ERG: variants seen among roughly 807,000 people sequenced by gnomAD.
ERG encodes the protein transcriptional regulator ERG.
A neutral mutation model predicts 55.3 loss-of-function variants in ERG; 9 were observed. The observed-to-expected ratio is 0.16, with a 90% CI of 0.10 to 0.28. ERG has a LOEUF of 0.28. Among genes scored for constraint, ERG ranks in the 10% least tolerant of loss-of-function variants. The pLI is 1.00. For missense variants in ERG, 434 were observed against 631.6 expected (o/e 0.69, Z 3.35); for synonymous variants, 223 against 237.3 (o/e 0.94, Z 0.55).
intron 1 of ERG, among the ~76,000 whole-genome samples, chr21:38,629,192 C>T (rs367596151): frequency 6.6e-6 from 1 of 152,194 alleles, no homozygotes; most frequent in Non-Finnish European, 1.5e-5. Context: ...GGCCAGGAGA[C>T]ATAAGCTCCT....
chr21:38,573,670 C>T (rs1386144861), intron 2 of ERG, among the ~76,000 whole-genome samples: 1 of 152,206 alleles, frequency 6.6e-6, no homozygotes, highest in Non-Finnish European at 1.5e-5. Context: ...CTACTACATT[C>T]CTTTTTGCTA....
chr21:38,654,071 G>C (rs2060503954), intron 1 of ERG, among the ~76,000 whole-genome samples: 1 of 152,228 alleles, frequency 6.6e-6, no homozygotes, highest in Admixed American at 6.5e-5. Context: ...AACTGCCCTT[G>C]TGGGACATTC....
At chr21:38,419,719 C>T (rs370818827) in intron 3 of ERG, among the ~76,000 whole-genome samples, 2 of 152,116 alleles carry the variant, frequency 1.3e-5, no homozygotes, top group East Asian at 1.9e-4. Flanking sequence ...CTACATTTAT[C>T]CTTCAGGGAC....
chr21:38,459,634 G>A (rs1377260207), intron 1 of ERG, among the ~76,000 whole-genome samples: 1 of 152,182 alleles, frequency 6.6e-6, no homozygotes, highest in Non-Finnish European at 1.5e-5. Flanking sequence ...ATGGGCTAGA[G>A]ATACCTTTAT....
At chr21:38,622,251 G>A (rs1044894626) in intron 1 of ERG, among the ~76,000 whole-genome samples, 1 of 152,198 alleles carries the variant, frequency 6.6e-6, no homozygotes, top group East Asian at 1.9e-4. Context: ...GGCCCCTGCT[G>A]CTTTCCGGGC....
intron 1 of ERG, among the ~76,000 whole-genome samples, chr21:38,657,270 A>T (rs1183833011): frequency 6.6e-6 from 1 of 152,226 alleles, no homozygotes; most frequent in East Asian, 1.9e-4. Flanking sequence ...CTGAGTCAAG[A>T]TAGCCAAACC....
intron 1 of ERG, among the ~76,000 whole-genome samples, chr21:38,493,801 C>A (rs747026883): frequency 1.3e-5 from 2 of 152,214 alleles, no homozygotes; most frequent in Non-Finnish European, 2.9e-5. Context: ...CAAGCTCCCT[C>A]CTCCTTCCTT....
intron 1 of ERG, among the ~76,000 whole-genome samples, chr21:38,477,820 C>A (rs2059202741): frequency 6.6e-6 from 1 of 152,152 alleles, no homozygotes; most frequent in African/African-American, 2.4e-5. Context: ...TATGAGGGAA[C>A]CAAACCTCTA....
intron 3 of ERG, among the ~76,000 whole-genome samples, chr21:38,415,274 A>T (rs1290668213): frequency 2.6e-5 from 4 of 152,194 alleles, no homozygotes; most frequent in Admixed American, 2.6e-4. Context: ...CCTACATCAT[A>T]GGGTGGTCGC....
At chr21:38,645,123 C>T (rs957095575) in intron 1 of ERG, among the ~76,000 whole-genome samples, 2 of 152,190 alleles carry the variant, frequency 1.3e-5, no homozygotes, top group African/African-American at 2.4e-5. Flanking sequence ...CACACCACTA[C>T]ACTCCAGCCT....
intron 6 of ERG, among the ~76,000 whole-genome samples, chr21:38,394,952 G>C (rs370471053): frequency 5.3e-4 from 81 of 152,156 alleles, no homozygotes; most frequent in Middle Eastern, 3.4e-3. Context: ...AATAAATGCC[G>C]AACTACTATT....
intron 1 of ERG, among the ~76,000 whole-genome samples, chr21:38,626,217 C>G (rs776709857): frequency 3.3e-4 from 50 of 152,080 alleles, no homozygotes; most frequent in Non-Finnish European, 5.7e-4. Flanking sequence ...CCACGTTTGG[C>G]CAACACTCAC....
chr21:38,604,391 T>C (rs942820495), intron 1 of ERG, among the ~76,000 whole-genome samples: 2 of 152,122 alleles, frequency 1.3e-5, no homozygotes, highest in African/African-American at 4.8e-5. Context: ...TAAAATATTA[T>C]GTACAGTATG....
chr21:38,507,998 TGC>T (rs1491219453), intron 2 of ERG, among the ~76,000 whole-genome samples: 15 of 1,392 alleles, frequency 0.011, no homozygotes, highest in African/African-American at 0.019. Context: ...CACACACACA[TGC>T]ACACACACAG....
At position 38,460,426 on chromosome 21, in the gene ERG, C is replaced by A. The variant is rs1352168770; in HGVS notation, c.19-14805G>T. Among the ~76,000 whole-genome samples, 1 of 152,210 alleles carries A rather than the reference C, an allele frequency of 6.6e-6. No homozygotes were observed. Among genetic ancestry groups the A allele is most frequent in the African/African-American group, 2.4e-5 (1 of 41,462 alleles). On this transcript the variant is annotated intron_variant, in intron 1 of 9. Coordinates refer to ENST00000288319, the MANE Select transcript of ERG (RefSeq NM_182918.4). The surrounding 1 kb of genome is among the most constrained non-coding windows in gnomAD (Gnocchi z 5.0). ...GTTCTGCAAAGAAAATTCTTTCTAT[C>A]TTTAAAGTTTTATTATTTTCAAAAC...
chr21:38,643,073 C>A (rs2060434826), intron 1 of ERG, among the ~76,000 whole-genome samples: 1 of 152,216 alleles, frequency 6.6e-6, no homozygotes, highest in Non-Finnish European at 1.5e-5. Context: ...ATTAAGTCAA[C>A]TGCAGAGTTC....
intron 2 of ERG, among the ~76,000 whole-genome samples, chr21:38,509,343 T>C (rs762847083): frequency 2.0e-5 from 3 of 152,230 alleles, no homozygotes; most frequent in African/African-American, 4.8e-5. Context: ...GTGCTAAGCA[T>C]TGTCGGTCAC....
chr21:38,444,037 C>A (rs9305647), intron 2 of ERG, among the ~76,000 whole-genome samples: 23,569 of 152,214 alleles, frequency 0.15, 2,164 homozygotes, highest in African/African-American at 0.24. Flanking sequence ...ATCTCCCCAT[C>A]TGGCACGTCC....
chr21:38,508,130 G>A (rs918750621), intron 2 of ERG, among the ~76,000 whole-genome samples: 6 of 135,828 alleles, frequency 4.4e-5, no homozygotes, highest in African/African-American at 1.7e-4. Flanking sequence ...GGATGGTATC[G>A]ATATCTATGA....
Sources: allele counts gnomAD v4.1 joint callset (sites outside exome capture counted in the v4.1 genomes callset), GRCh38; gene constraint gnomAD v4.1.1; non-coding constraint Gnocchi (gnomAD v3.1); transcripts MANE v1.5; gene names NCBI Gene and HGNC (gene_info 2026-07-23, HGNC 2026-07-21).